The following XRCC3 variants were observed in gnomAD, a reference collection of about 807,000 sequenced individuals.
The protein encoded by XRCC3 is DNA repair protein XRCC3.
Under a neutral mutation model 29.2 loss-of-function variants are expected in XRCC3, and 34 were observed. The observed-to-expected ratio is 1.16, with a 90% CI of 0.88 to 1.55. The LOEUF (loss-of-function observed/expected upper bound fraction) is 1.55, where lower values mean the gene tolerates loss of function less well. Among genes scored for constraint, XRCC3 ranks in the 40% most tolerant of loss-of-function variants. XRCC3 has a pLI of 0.00. For synonymous variants in XRCC3, 223 were observed against 211.3 expected, an observed-to-expected ratio of 1.06 and a Z score of -0.48; for missense variants, 463 against 467.6, an observed-to-expected ratio of 0.99 and a Z score of 0.09.
At chr14:103,703,075 GCCCTGCTGTGAGA>G (rs2083290516) in intron 7 of XRCC3, 85 bp downstream of exon 7, 1 of 1,519,738 alleles carries the variant, frequency 6.6e-7, no homozygotes, top group African/African-American at 1.4e-5. Context: ...AACTCTCCCT[GCCCTGCTGTGAGA>G]CCCCATTGCC....
Position 103,699,357 on chromosome 14 carries a change from T to C in XRCC3, c.774+7A>G, listed in dbSNP as rs1370603909. The C allele has an allele frequency of 8.8e-6, 14 of 1,598,118 alleles. No individual in the cohort carries two copies. The highest frequency in any genetic ancestry group is 1.1e-5 in the Non-Finnish European group (13 of 1,173,402). On this transcript the variant is annotated splice_region_variant and intron_variant, in intron 8 of 9. Transcript: ENST00000555055. ...GCTCAGGGGTGCAACCCTGCCTTGGTGCTCACCTGGTTGATGCACAGCACA... is the reference window on the plus strand; with the variant it reads ...GCTCAGGGGTGCAACCCTGCCTTGGCGCTCACCTGGTTGATGCACAGCACA...
At chr14:103,701,273 C>A (rs1220016644) in intron 7 of XRCC3, 8 of 1,507,632 alleles carry the variant, frequency 5.3e-6, no homozygotes, top group African/African-American at 1.4e-5. Flanking sequence ...ACAGCCAGGG[C>A]GGCAGGGAGG....
intron 8 of XRCC3, 59 bp downstream of exon 8, chr14:103,699,305 G>T (rs2082892163): frequency 6.5e-7 from 1 of 1,549,928 alleles, no homozygotes; most frequent in African/African-American, 1.4e-5. Context: ...GACCGGCTCT[G>T]CTTCCGCATC....
chr14:103,698,795 G>A lies in XRCC3; in HGVS notation c.*3C>T, dbSNP rs772562364. ...GCAGGGCTGTTGTGCAGCCGCCACC[G>A]TGTCAGTGGGACTGGGTCCCAGGTG... On this transcript the variant is annotated 3_prime_UTR_variant, in exon 10 of 10. Transcript: ENST00000555055. 2.3e-5 allele frequency: 36 copies of A among 1,591,062 alleles called. No homozygotes were observed. In the South Asian group the frequency reaches 2.5e-4, roughly 11 times the overall value.
chr14:103,712,252 T>G (rs903140783), intron 2 of XRCC3: 9 of 167,576 alleles, frequency 5.4e-5, no homozygotes, highest in Non-Finnish European at 9.1e-5. Context: ...GTGGGTTTTC[T>G]GAGCAAGGGA....
rs2082773375 is a variant in XRCC3, at chr14:103,698,565, C to G, written c.*233G>C. The G allele has an allele frequency of 8.7e-6, 5 of 575,290 alleles. No individual in the cohort carries two copies. The highest frequency in any genetic ancestry group is 1.2e-5 in the Non-Finnish European group (4 of 320,800). 35.6% of individuals were successfully genotyped at this position (575,290 alleles called of 1,614,324 possible). A position where few individuals can be genotyped will look rare whatever the true frequency, so the allele number is the denominator to read the frequency against. The stretch of plus-strand genomic sequence containing the variant: ...CAGCTCAGCAGTGGGGACCAGGTAC[C>G]CAGCAAGCGGGCCTGTCCCCAGACC... On this transcript the variant is annotated 3_prime_UTR_variant, in exon 10 of 10. Transcript: ENST00000555055.
chr14:103,699,076 C>T (rs2082853024), intron 9 of XRCC3, 57 bp downstream of exon 9: 1 of 1,563,060 alleles, frequency 6.4e-7, no homozygotes, highest in Non-Finnish European at 8.7e-7. Context: ...CCCACTTCGG[C>T]CCAGCTGTGC....
At chr14:103,703,752 C>G (rs547068389) in intron 6 of XRCC3, 1 of 287,580 alleles carries the variant, frequency 3.5e-6, no homozygotes, top group African/African-American at 2.2e-5. Flanking sequence ...TGGCCACCCT[C>G]AAGGCCCCCA....
chr14:103,703,254 C>T lies in XRCC3; in HGVS notation c.480G>A (p.Arg160=), dbSNP rs2151931202. The T allele has an allele frequency of 6.4e-7, 1 of 1,561,850 alleles. No individual in the cohort carries two copies. ...RLQQLMAQQP[R]LRTDVPGELL... is the part of the protein sequence containing the mutation. ...GCTCTCCTGGAACGTCAGTGCGCAGCCGCGGCTGCTGGGCCATGAGCTGCT... is the reference window on the plus strand; with the variant it reads ...GCTCTCCTGGAACGTCAGTGCGCAGTCGCGGCTGCTGGGCCATGAGCTGCT... The change falls in exon 7 of 10, where the codon CGG becomes CGA. Residue 160 remains arginine (R), a synonymous_variant. Transcript: ENST00000555055.
chr14:103,698,448 C>T lies in XRCC3; in HGVS notation c.*350G>A. 5.7e-6 allele frequency: 2 copies of T among 352,656 alleles called. No homozygotes were observed. The highest frequency in any genetic ancestry group is 1.1e-5 in the Non-Finnish European group (2 of 184,074). 21.8% of individuals were successfully genotyped at this position (352,656 alleles called of 1,614,324 possible). The stretch of plus-strand genomic sequence containing the variant: ...GGCCTCAGACGCAACCCCAGTTGGG[C>T]TTCCATGTGGAGAGAAGAAGCAGGC... On this transcript the variant is annotated 3_prime_UTR_variant, in exon 10 of 10. Transcript: ENST00000555055.
intron 7 of XRCC3, chr14:103,699,877 C>T (rs541439396): frequency 4.2e-5 from 19 of 447,362 alleles, no homozygotes; most frequent in East Asian, 4.1e-4. Context: ...GTGTCCTTTG[C>T]GCAGGCTCCT....
chr14:103,699,931 C>T, intron 7 of XRCC3: 1 of 359,442 alleles, frequency 2.8e-6, no homozygotes, highest in Non-Finnish European at 5.4e-6. Flanking sequence ...TGGTTTCACC[C>T]TCTCCCCCTC....
At chr14:103,704,401 A>C (rs539122957) in intron 6 of XRCC3, 9 of 152,052 alleles carry the variant, frequency 5.9e-5, no homozygotes, top group African/African-American at 2.2e-4. Context: ...CACTGAATTT[A>C]TTTATTTTAT....
chr14:103,703,378 G>C (rs2151932064), intron 6 of XRCC3, 51 bp from the exon 7 acceptor site: 1 of 1,519,492 alleles, frequency 6.6e-7, no homozygotes, highest in African/African-American at 1.4e-5. Flanking sequence ...ACGGGCCTGT[G>C]ACTGCCACAC....
At chr14:103,710,101 GGGGAGCA>G (rs1267211904) in intron 4 of XRCC3, 1 of 152,350 alleles carries the variant, frequency 6.6e-6, no homozygotes, top group Admixed American at 6.5e-5. Context: ...CGGCTGGCAT[GGGGAGCA>G]GGGGGCAGGG....
In XRCC3 at chr14:103,711,258, G is replaced by A. The variant is rs2083615989; in HGVS notation, c.-158-13C>T. On this transcript the variant is annotated splice_polypyrimidine_tract_variant and intron_variant, in intron 3 of 9. Transcript: ENST00000555055. ...CGGGGCTCTGTCACTGAGGGTGGAG[G>A]AGACTTCACTGTAGAGGGAAGGCTG... 1 of 716,882 alleles carries A rather than the reference G, an allele frequency of 1.4e-6. No homozygotes were observed. The highest frequency in any genetic ancestry group is 2.5e-6 in the Non-Finnish European group (1 of 399,116). 44.4% of individuals were successfully genotyped at this position (716,882 alleles called of 1,614,324 possible).
At chr14:103,706,652 C>T (rs991640146) in intron 6 of XRCC3, 1 of 402,220 alleles carries the variant, frequency 2.5e-6, no homozygotes, top group Non-Finnish European at 4.7e-6. Flanking sequence ...AAAGGCTGTG[C>T]TGCCCTCCCT....
intron 2 of XRCC3, 107 bp from the exon 3 acceptor site, chr14:103,711,674 AG>A: frequency 2.2e-6 from 1 of 456,230 alleles, no homozygotes; most frequent in Non-Finnish European, 4.4e-6. Flanking sequence ...GTGGGACGGG[AG>A]GAAGGTGCTG....
At position 103,699,183 on chromosome 14, in the gene XRCC3, G is replaced by C. The variant is rs757909834; in HGVS notation, c.775-4C>G. On this transcript the variant is annotated splice_polypyrimidine_tract_variant and splice_region_variant and intron_variant, in intron 8 of 9. Transcript: ENST00000555055. Reference sequence around the variant, plus strand: ...GCTCCTCCATGGCCTCTGTCACCTGGAAGAGCACAGTCCAGGTCAGCTGCA... The same window carrying C: ...GCTCCTCCATGGCCTCTGTCACCTGCAAGAGCACAGTCCAGGTCAGCTGCA... 9 of 1,560,808 alleles carry C rather than the reference G, an allele frequency of 5.8e-6. No homozygotes were observed. The African/African-American group carries it at 8.1e-5, about 14-fold the overall frequency.
Sources: allele counts gnomAD v4.1 joint callset, GRCh38; gene constraint gnomAD v4.1.1; transcripts MANE v1.5; gene names NCBI Gene and HGNC (gene_info 2026-07-23, HGNC 2026-07-21).